The following MAN1C1 variants were observed in gnomAD, a reference collection of about 807,000 sequenced individuals.
MAN1C1 encodes mannosyl-oligosaccharide 1,2-alpha-mannosidase IC.
Under a neutral mutation model 71.5 loss-of-function variants are expected in MAN1C1, and 49 were observed. The observed-to-expected ratio is 0.69, with a 90% CI of 0.54 to 0.87. The LOEUF is 0.87. MAN1C1 is among the 40% of genes least tolerant of loss of function. MAN1C1 has a pLI of 0.00. For missense variants in MAN1C1, 743 were observed against 835.0 expected, an observed-to-expected ratio of 0.89 and a Z score of 1.36; for synonymous variants, 352 against 343.7, an observed-to-expected ratio of 1.02 and a Z score of -0.27.
chr1:25,720,707 T>G (rs1170698118), intron 2 of MAN1C1, among the ~76,000 whole-genome samples: 1 of 152,252 alleles, frequency 6.6e-6, no homozygotes, highest in Non-Finnish European at 1.5e-5. Flanking sequence ...ATTTTTTTCT[T>G]TTGTTACTTG....
chr1:25,758,930 A>G, intron 6 of MAN1C1: 1 of 534,396 alleles, frequency 1.9e-6, no homozygotes, highest in Non-Finnish European at 3.4e-6. Context: ...GATTCTACAG[A>G]GGGAAAAGGA....
chr1:25,643,421 A>ATTTTTTT (rs11326338), intron 1 of MAN1C1, among the ~76,000 whole-genome samples: 2 of 115,456 alleles, frequency 1.7e-5, no homozygotes, highest in Non-Finnish European at 1.7e-5. Flanking sequence ...CGCCTGGCTA[A>ATTTTTTT]TTTTTTTTTT....
intron 6 of MAN1C1, chr1:25,759,100 A>G (rs2047327862): frequency 4.7e-6 from 1 of 211,172 alleles, no homozygotes; most frequent in African/African-American, 2.3e-5. Flanking sequence ...TTCCAGAGAC[A>G]TTTAGCTTTT....
chr1:25,664,260 GTTT>G (rs3841828), intron 1 of MAN1C1, among the ~76,000 whole-genome samples: 1 of 146,258 alleles, frequency 6.8e-6, no homozygotes, highest in Non-Finnish European at 1.5e-5. Flanking sequence ...AACCCTACTA[GTTT>G]TTTTTTTTTT....
At position 25,735,852 on chromosome 1, in the gene MAN1C1, G is replaced by T. The variant is rs930983528; in HGVS notation, c.638-10816G>T. On this transcript the variant is annotated intron_variant, in intron 2 of 11. Coordinates refer to ENST00000374332, the MANE Select transcript of MAN1C1 (RefSeq NM_020379.4). The surrounding 1 kb of genome is among the most constrained non-coding windows in gnomAD (Gnocchi z 4.6). The stretch of plus-strand genomic sequence containing the variant: ...TTTCAGATCATGTCCTCTAATCCCT[G>T]TGGCAAGTCTCATGGCCAAACGTAA... 5.6e-4 allele frequency among the ~76,000 whole-genome samples: 85 copies of T among 152,202 alleles called. No homozygotes were observed. The highest frequency in any genetic ancestry group is 2.0e-3 in the African/African-American group (82 of 41,432).
chr1:25,715,948 A>G (rs566591134), intron 2 of MAN1C1, among the ~76,000 whole-genome samples: 1 of 152,332 alleles, frequency 6.6e-6, no homozygotes, highest in East Asian at 1.9e-4. Context: ...CTTAGGTTCC[A>G]CTGTTTACCC....
At chr1:25,696,614 A>T (rs549747568) in intron 2 of MAN1C1, among the ~76,000 whole-genome samples, 2 of 152,084 alleles carry the variant, frequency 1.3e-5, no homozygotes, top group South Asian at 4.2e-4. Context: ...TAGCTCCCCA[A>T]GGGTAGCTGC....
chr1:25,618,483 C>A (rs930385229), intron 1 of MAN1C1, 146 bp downstream of exon 1: 31 of 730,168 alleles, frequency 4.2e-5, no homozygotes, highest in African/African-American at 2.8e-4. Flanking sequence ...TTGCACCTTC[C>A]CCTTTCCTCC....
At chr1:25,724,105 T>G (rs1035888001) in intron 2 of MAN1C1, among the ~76,000 whole-genome samples, 1 of 151,492 alleles carries the variant, frequency 6.6e-6, no homozygotes, top group Non-Finnish European at 1.5e-5. Context: ...CTCGGCTCGC[T>G]GCAACCTCCG....
At chr1:25,768,745 C>A (rs2047498056) in intron 7 of MAN1C1, among the ~76,000 whole-genome samples, 1 of 135,110 alleles carries the variant, frequency 7.4e-6, no homozygotes, top group Admixed American at 7.3e-5. Flanking sequence ...CCTCACACAC[C>A]CACAGTCCCC....
At chr1:25,708,677 G>A (rs1259457064) in intron 2 of MAN1C1, among the ~76,000 whole-genome samples, 1 of 152,136 alleles carries the variant, frequency 6.6e-6, no homozygotes, top group Non-Finnish European at 1.5e-5. Context: ...CTGAGGTCAG[G>A]AGTTTGAGAC....
chr1:25,635,426 TTTTC>T (rs1424320011), intron 1 of MAN1C1, among the ~76,000 whole-genome samples: 10 of 151,508 alleles, frequency 6.6e-5, no homozygotes, highest in East Asian at 3.9e-4. Context: ...TCTCATTCTT[TTTTC>T]TTTCTTTCTT....
intron 4 of MAN1C1, among the ~76,000 whole-genome samples, chr1:25,749,652 G>T (rs2047188382): frequency 6.6e-6 from 1 of 152,200 alleles, no homozygotes; most frequent in African/African-American, 2.4e-5. Flanking sequence ...CCTCCATTCT[G>T]CTGCCCAGGT....
Position 25,753,395 on chromosome 1 carries a change from G to A in MAN1C1, c.835-89G>A. 1 of 928,072 alleles carries A rather than the reference G, an allele frequency of 1.1e-6. No individual in the cohort carries two copies. The highest frequency in any genetic ancestry group is 1.6e-6 in the Non-Finnish European group (1 of 611,046). 57.5% of individuals were successfully genotyped at this position (928,072 alleles called of 1,614,324 possible). On this transcript the variant is annotated intron_variant, in intron 4 of 11. Transcript: ENST00000374332. This position sits in a 1 kb window ranked among gnomAD's most constrained non-coding sequence, Gnocchi z 4.9. ...CCCCCTACTCTAGACCTGCAGCCCT[G>A]GGGGGTTCATCCTGCCTGCAGCAGT... is the stretch of plus-strand genomic sequence containing the variant.
intron 2 of MAN1C1, among the ~76,000 whole-genome samples, chr1:25,743,338 C>G (rs546637660): frequency 1.1e-4 from 17 of 152,336 alleles, no homozygotes; most frequent in Admixed American, 3.3e-4. Context: ...CCTAGGGAAG[C>G]GTCCAAGCTG....
At position 25,753,374 on chromosome 1, in the gene MAN1C1, C is replaced by T. The variant is rs113400075; in HGVS notation, c.835-110C>T. On this transcript the variant is annotated intron_variant, in intron 4 of 11. Coordinates refer to ENST00000374332, the MANE Select transcript of MAN1C1 (RefSeq NM_020379.4). This position sits in a 1 kb window ranked among gnomAD's most constrained non-coding sequence, Gnocchi z 4.9. ...GGCTGGTGGACTGCAGCACTGCCCCCTACTCTAGACCTGCAGCCCTGGGGG... is the reference window on the plus strand; with the variant it reads ...GGCTGGTGGACTGCAGCACTGCCCCTTACTCTAGACCTGCAGCCCTGGGGG... 7.4e-5 allele frequency: 52 copies of T among 704,736 alleles called. No homozygotes were observed. Among genetic ancestry groups the T allele is most frequent in the Admixed American group, 6.6e-4 (21 of 31,890 alleles). The allele number at this position is 704,736 out of a possible 1,614,324, so 43.7% of individuals were successfully genotyped here. A position where few individuals can be genotyped will look rare whatever the true frequency, so the allele number is the denominator to read the frequency against.
At chr1:25,750,323 T>C (rs1033168933) in intron 4 of MAN1C1, among the ~76,000 whole-genome samples, 9 of 152,144 alleles carry the variant, frequency 5.9e-5, no homozygotes, top group Admixed American at 5.2e-4. Flanking sequence ...AGCCCAGATA[T>C]CTGGTGGCGA....
At chr1:25,693,037 T>C (rs542286744) in intron 2 of MAN1C1, among the ~76,000 whole-genome samples, 7 of 152,174 alleles carry the variant, frequency 4.6e-5, no homozygotes, top group Non-Finnish European at 1.0e-4. Flanking sequence ...TGAGTATAAC[T>C]TTTGACTTCC....
intron 2 of MAN1C1, among the ~76,000 whole-genome samples, chr1:25,690,288 C>CTTT (rs33932251): frequency 0.027 from 3,173 of 119,666 alleles, 252 homozygotes; most frequent in African/African-American, 0.1. Flanking sequence ...ATCTCTGCCT[C>CTTT]TTTTTTTTTT....
Sources: allele counts gnomAD v4.1 joint callset (sites outside exome capture counted in the v4.1 genomes callset), GRCh38; gene constraint gnomAD v4.1.1; non-coding constraint Gnocchi (gnomAD v3.1); transcripts MANE v1.5; gene names NCBI Gene and HGNC (gene_info 2026-07-23, HGNC 2026-07-21).